The following GRM7 variants were observed in gnomAD, a reference collection of about 807,000 sequenced individuals.
GRM7 encodes the protein glutamate metabotropic receptor 7, also known as metabotropic glutamate receptor 7.
GRM7 carries 35 observed loss-of-function variants against 84.5 expected under a neutral mutation model. The observed-to-expected ratio is 0.41, with a 90% confidence interval of 0.32 to 0.55. GRM7 has a LOEUF of 0.55. Ranked by LOEUF, GRM7 falls within the 20% of genes least tolerant of loss-of-function variation. GRM7 has a pLI of 0.19. For synonymous variants in GRM7, 487 were observed against 455.1 expected (o/e 1.07, Z -0.89); for missense variants, 1,003 against 1,194.6 (o/e 0.84, Z 2.36).
At chr3:7,147,930 A>G (rs111261826) in intron 2 of GRM7, among the ~76,000 whole-genome samples, 2 of 152,134 alleles carry the variant, frequency 1.3e-5, no homozygotes, top group Non-Finnish European at 2.9e-5. Flanking sequence ...GTCTTCTCCC[A>G]CAGCGCCTAT....
chr3:7,414,589 G>A (rs906348136), intron 4 of GRM7, among the ~76,000 whole-genome samples: 1 of 152,158 alleles, frequency 6.6e-6, no homozygotes. Context: ...ATTGGACTCA[G>A]TTCACCTACA....
intron 7 of GRM7, among the ~76,000 whole-genome samples, chr3:7,481,242 T>A (rs1302109404): frequency 6.6e-6 from 1 of 152,016 alleles, no homozygotes; most frequent in Non-Finnish European, 1.5e-5. Context: ...CCATGCTTGA[T>A]TTTTTTAAAT....
chr3:7,726,838 C>T (rs1274998080), intron 9 of GRM7, among the ~76,000 whole-genome samples: 5 of 150,318 alleles, frequency 3.3e-5, no homozygotes, highest in East Asian at 3.9e-4. Flanking sequence ...AGTCAAGATA[C>T]GATTTTCCCA....
chr3:6,976,524 C>T (rs1228941111), intron 1 of GRM7, among the ~76,000 whole-genome samples: 2 of 152,156 alleles, frequency 1.3e-5, no homozygotes, highest in Non-Finnish European at 2.9e-5. Flanking sequence ...CTTATACAGT[C>T]ATTGTAACTA....
intron 7 of GRM7, among the ~76,000 whole-genome samples, chr3:7,556,810 A>G (rs763015931): frequency 3.3e-5 from 5 of 152,138 alleles, no homozygotes; most frequent in Admixed American, 6.6e-5. Flanking sequence ...GAAGTGACTG[A>G]GGCATTGAAG....
At chr3:7,391,985 C>T (rs1159762778) in intron 4 of GRM7, among the ~76,000 whole-genome samples, 1 of 152,138 alleles carries the variant, frequency 6.6e-6, no homozygotes, top group African/African-American at 2.4e-5. Context: ...AGAGATAACC[C>T]CCTCTCTACA....
At chr3:7,372,398 T>C (rs903269730) in intron 4 of GRM7, among the ~76,000 whole-genome samples, 1 of 152,158 alleles carries the variant, frequency 6.6e-6, no homozygotes, top group Non-Finnish European at 1.5e-5. Flanking sequence ...AACTCAGGTG[T>C]GAAGTCTTAA....
intron 1 of GRM7, among the ~76,000 whole-genome samples, chr3:7,122,159 C>T (rs1435419064): frequency 6.6e-6 from 1 of 152,138 alleles, no homozygotes; most frequent in Non-Finnish European, 1.5e-5. Flanking sequence ...AGACAGTGAC[C>T]AAACCTAAGC....
At chr3:7,372,533 T>C (rs969858769) in intron 4 of GRM7, among the ~76,000 whole-genome samples, 2 of 152,138 alleles carry the variant, frequency 1.3e-5, no homozygotes, top group Non-Finnish European at 1.5e-5. Flanking sequence ...TAGGCCTTAA[T>C]TGTACGCCAT....
chr3:7,387,555 C>G (rs1477239551), intron 4 of GRM7, among the ~76,000 whole-genome samples: 1 of 152,018 alleles, frequency 6.6e-6, no homozygotes, highest in Non-Finnish European at 1.5e-5. Context: ...TATATTTTCT[C>G]TATTGTTTAT....
chr3:7,407,833 A>G (rs1695748022), intron 4 of GRM7, among the ~76,000 whole-genome samples: 1 of 152,216 alleles, frequency 6.6e-6, no homozygotes, highest in African/African-American at 2.4e-5. Flanking sequence ...GAGGCTTTTC[A>G]TGCATAGTTC....
intron 1 of GRM7, among the ~76,000 whole-genome samples, chr3:6,948,120 C>T (rs747105091): frequency 6.6e-6 from 1 of 152,012 alleles, no homozygotes; most frequent in Non-Finnish European, 1.5e-5. Flanking sequence ...TTTGCTGTTG[C>T]TTCTCTAGTT....
At chr3:7,032,664 A>C (rs1431279072) in intron 1 of GRM7, among the ~76,000 whole-genome samples, 1 of 152,186 alleles carries the variant, frequency 6.6e-6, no homozygotes, top group Non-Finnish European at 1.5e-5. Context: ...TGAGTTTGTC[A>C]TAGGAAGTGA....
rs946018485 is a variant in GRM7, at chr3:7,146,525, T to C, written c.593T>C (p.Val198Ala). The change falls in exon 2 of 10, where the codon GTG (valine) becomes GCG (alanine). Residue 198 changes from valine to alanine, a missense_variant. Physicochemically the swap from Val to Ala is moderately conservative, Grantham distance 64. Transcript: ENST00000357716. The part of the protein sequence containing the change: ...DDRRYDFFSR[V>A]VPPDSFQAQA... Reference sequence around the variant, plus strand: ...CGGCGCTATGACTTCTTCTCTCGCGTGGTGCCACCCGATTCCTTCCAAGCC... The same window carrying C: ...CGGCGCTATGACTTCTTCTCTCGCGCGGTGCCACCCGATTCCTTCCAAGCC... 1 of 1,613,962 alleles carries C rather than the reference T, an allele frequency of 6.2e-7. No individual in the cohort carries two copies. Among genetic ancestry groups the C allele is most frequent in the African/African-American group, 1.3e-5 (1 of 74,918 alleles).
intron 8 of GRM7, among the ~76,000 whole-genome samples, chr3:7,630,662 C>T (rs1480586412): frequency 2.6e-5 from 4 of 152,118 alleles, no homozygotes; most frequent in Admixed American, 1.3e-4. Context: ...GAGCATTTAA[C>T]GTTATCAGCA....
At chr3:7,138,286 A>G (rs935266144) in intron 1 of GRM7, among the ~76,000 whole-genome samples, 2 of 152,032 alleles carry the variant, frequency 1.3e-5, no homozygotes, top group African/African-American at 2.4e-5. Context: ...GTAGGTGACA[A>G]TATGCCCAAT....
intron 1 of GRM7, among the ~76,000 whole-genome samples, chr3:6,954,341 G>A (rs940850019): frequency 5.9e-5 from 9 of 152,078 alleles, no homozygotes; most frequent in Non-Finnish European, 1.3e-4. Flanking sequence ...AACTTATGTT[G>A]TTTTTAACTA....
At chr3:6,954,991 T>C (rs1429690443) in intron 1 of GRM7, among the ~76,000 whole-genome samples, 2 of 152,012 alleles carry the variant, frequency 1.3e-5, no homozygotes, top group African/African-American at 4.8e-5. Context: ...CCTCCAGGGG[T>C]TGAAGGAGTG....
chr3:7,360,543 G>A (rs778468995), intron 4 of GRM7, among the ~76,000 whole-genome samples: 19 of 151,980 alleles, frequency 1.3e-4, no homozygotes, highest in Non-Finnish European at 7.4e-5. Context: ...TTCAAGTATT[G>A]TGCTCATCAA....
Sources: allele counts gnomAD v4.1 joint callset (sites outside exome capture counted in the v4.1 genomes callset), GRCh38; gene constraint gnomAD v4.1.1; transcripts MANE v1.5; gene names NCBI Gene and HGNC (gene_info 2026-07-23, HGNC 2026-07-21).